The following CRISP1 variants were observed in gnomAD, a reference collection of about 807,000 sequenced individuals.
The protein encoded by CRISP1 is cysteine-rich secretory protein 1.
In CRISP1, 44 loss-of-function variants were observed where a neutral mutation model predicts 33.1. That is an observed-to-expected ratio of 1.33 (90% CI 1.05 to 1.71). The LOEUF (loss-of-function observed/expected upper bound fraction) is 1.71. Among genes scored for constraint, CRISP1 ranks in the 40% most tolerant of loss-of-function variants. The probability of loss-of-function intolerance (pLI) is 0.00; values close to 1 mark genes in which losing one functional copy is unlikely to be tolerated. For synonymous variants in CRISP1, 103 were observed against 98.7 expected, an observed-to-expected ratio of 1.04 and a Z score of -0.26; for missense variants, 390 against 301.2, an observed-to-expected ratio of 1.29 and a Z score of -2.18.
chr6:49,853,334 C>A (rs1434956169), intron 2 of CRISP1, among the ~76,000 whole-genome samples: 2 of 152,142 alleles, frequency 1.3e-5, no homozygotes, highest in Non-Finnish European at 2.9e-5. Context: ...AACATCCTAT[C>A]ATGGATTTTT....
In CRISP1 at chr6:49,838,444, T is replaced by C. The variant is rs754767166; in HGVS notation, c.615A>G (p.Lys205=). 6.2e-7 allele frequency: 1 copy of C among 1,611,118 alleles called. No homozygotes were observed. Among genetic ancestry groups the C allele is most frequent in the Non-Finnish European group, 8.5e-7 (1 of 1,178,294 alleles). The change falls in exon 7 of 8, where the codon AAA becomes AAG. Residue 205 remains lysine (K), a synonymous_variant. Transcript: ENST00000335847. ...GAATGCAAACAAACTTACTGCAAAG[T>C]TTGTCTTCACAGTTACTTGGGCAGG... ...CEACPSNCED[K]LCTNPCIYYD... is the part of the protein sequence containing the mutation.
At position 49,857,369 on chromosome 6, in the gene CRISP1, G is replaced by A. The variant is rs1356527792; in HGVS notation, c.32C>T (p.Ala11Val). The change falls in exon 2 of 8, where the codon GCT becomes GTT. Residue 11 changes from alanine (A) to valine (V), a missense_variant. Transcript: ENST00000335847. ...CAACATAGGCAGTAAGCAAGCAGCAGCAACCAAAAACAAGAGGTGTTTAAT... is the reference window on the plus strand; with the variant it reads ...CAACATAGGCAGTAAGCAAGCAGCAACAACCAAAAACAAGAGGTGTTTAAT... MEIKHLLFLV[A>V]AACLLPMLSM... is the part of the protein sequence containing the mutation. 5 of 1,612,862 alleles carry A rather than the reference G, an allele frequency of 3.1e-6. No homozygotes were observed. Among genetic ancestry groups the A allele is most frequent in the Admixed American group, 1.7e-5 (1 of 59,932 alleles).
intron 4 of CRISP1, among the ~76,000 whole-genome samples, chr6:49,847,834 T>C (rs182988290): frequency 5.9e-5 from 9 of 152,254 alleles, no homozygotes; most frequent in Non-Finnish European, 1.3e-4. Context: ...AACTGCATTA[T>C]CGTTCCAAAG....
intron 1 of CRISP1, among the ~76,000 whole-genome samples, chr6:49,863,881 T>A (rs1055944799): frequency 6.6e-6 from 1 of 152,230 alleles, no homozygotes; most frequent in African/African-American, 2.4e-5. Flanking sequence ...CTCACCTCAG[T>A]GAATCTGTTA....
intron 6 of CRISP1, among the ~76,000 whole-genome samples, chr6:49,840,628 T>TGGA (rs1770953987): frequency 2.0e-5 from 3 of 152,156 alleles, no homozygotes; most frequent in Admixed American, 2.0e-4. Context: ...GAAAATATAT[T>TGGA]GGAGTTTTTT....
In CRISP1 at chr6:49,857,402, C is replaced by T. The variant is rs764192737; in HGVS notation, c.-2G>A. 1.7e-5 allele frequency: 28 copies of T among 1,611,664 alleles called. No homozygotes were observed. The African/African-American group carries it at 3.1e-4, about 18-fold the overall frequency. ...AAACAAGAGGTGTTTAATTTCCATC[C>T]CTGAAAGAAAAATAACACAATTTTA... is the stretch of plus-strand genomic sequence containing the variant. On this transcript the variant is annotated splice_region_variant and 5_prime_UTR_variant, in exon 2 of 8. Transcript: ENST00000335847.
chr6:49,848,245 T>C lies in CRISP1; in HGVS notation c.250A>G (p.Met84Val). The C allele has an allele frequency of 6.2e-7, 1 of 1,607,706 alleles. No homozygotes were observed. The highest frequency in any genetic ancestry group is 8.5e-7 in the Non-Finnish European group (1 of 1,177,354). The change falls in exon 4 of 8, where the codon ATG (methionine) becomes GTG (valine). Residue 84 changes from methionine to valine, a missense_variant. Physicochemically the swap from Met to Val is conservative, Grantham distance 21. Transcript: ENST00000335847. ...NARIFSKYCD[M>V]TESNPLERRL... ...CTCTCAAGGGGGTTGCTCTCTGTCA[T>C]ATCACAATACTTTGAAAAAATTCTG...
At chr6:49,863,720 G>A (rs1435228185) in intron 1 of CRISP1, among the ~76,000 whole-genome samples, 1 of 152,208 alleles carries the variant, frequency 6.6e-6, no homozygotes, top group Non-Finnish European at 1.5e-5. Flanking sequence ...ATGCCCTGGG[G>A]AATGCACTCT....
At chr6:49,871,794 T>C (rs1279962392) in intron 1 of CRISP1, among the ~76,000 whole-genome samples, 1 of 152,150 alleles carries the variant, frequency 6.6e-6, no homozygotes, top group Non-Finnish European at 1.5e-5. Context: ...TAATCTGGTC[T>C]ATCGTTGTTG....
In CRISP1 at chr6:49,857,326, C is replaced by T; in HGVS notation, c.66+9G>A. Reference sequence around the variant, plus strand: ...GAAAGTAATTATGAAACATCCAACCCTCACATACTTTCATGGACAACATAG... The same window carrying T: ...GAAAGTAATTATGAAACATCCAACCTTCACATACTTTCATGGACAACATAG... On this transcript the variant is annotated intron_variant, in intron 2 of 7. Transcript: ENST00000335847. 6.2e-7 allele frequency: 1 copy of T among 1,611,972 alleles called. No homozygotes were observed. The highest frequency in any genetic ancestry group is 1.7e-5 in the Admixed American group (1 of 59,916).
chr6:49,841,222 G>T (rs1355422052), intron 5 of CRISP1, among the ~76,000 whole-genome samples: 4 of 152,156 alleles, frequency 2.6e-5, no homozygotes, highest in African/African-American at 4.8e-5. Context: ...GAGAAAATCA[G>T]CTGACGGGGA....
chr6:49,835,432 T>C lies in CRISP1; in HGVS notation c.634A>G (p.Ile212Val), dbSNP rs373924464. The change falls in exon 8 of 8, where the codon ATC (isoleucine) becomes GTC (valine). Residue 212 changes from isoleucine (I) to valine (V), a missense_variant. Transcript: ENST00000335847. The part of the protein sequence containing the change: ...CEDKLCTNPC[I>V]YYDEYFDCDI... ...CAGTCGAAGTATTCATCATAGTAGA[T>C]GCAGGGGTTAGCTGAAAGAAAATAG... The C allele has an allele frequency of 1.1e-5, 17 of 1,613,408 alleles. No individual in the cohort carries two copies. Among genetic ancestry groups the C allele is most frequent in the Non-Finnish European group, 1.4e-5 (16 of 1,179,702 alleles).
chr6:49,836,635 G>A (rs971236483), intron 7 of CRISP1, among the ~76,000 whole-genome samples: 6 of 151,926 alleles, frequency 3.9e-5, no homozygotes, highest in African/African-American at 7.3e-5. Flanking sequence ...CACCGCGCCC[G>A]GCCTACAAAT....
At position 49,844,466 on chromosome 6, in the gene CRISP1, G is replaced by A. The variant is rs570706808; in HGVS notation, c.435+2054C>T. 2.6e-4 allele frequency among the ~76,000 whole-genome samples: 39 copies of A among 152,300 alleles called. 2 individuals carry two copies. The Middle Eastern group carries it at 0.01, about 40-fold the overall frequency. ...CCCATGCCCACTACAGGTCCAGGGAGCAAGGCTGCTTCCTGCTTAGCTTCA... is the reference window on the plus strand; with the variant it reads ...CCCATGCCCACTACAGGTCCAGGGAACAAGGCTGCTTCCTGCTTAGCTTCA... On this transcript the variant is annotated intron_variant, in intron 5 of 7. Transcript: ENST00000335847.
At chr6:49,862,619 G>A (rs1020074593) in intron 1 of CRISP1, among the ~76,000 whole-genome samples, 8 of 151,860 alleles carry the variant, frequency 5.3e-5, no homozygotes, top group African/African-American at 1.2e-4. Context: ...TGGGATAATC[G>A]GTATCACCTG....
At chr6:49,849,826 T>C (rs1179679425) in intron 3 of CRISP1, among the ~76,000 whole-genome samples, 1 of 152,026 alleles carries the variant, frequency 6.6e-6, no homozygotes, top group Admixed American at 6.6e-5. Flanking sequence ...ATTAAATAAC[T>C]TATTAGCCTA....
intron 1 of CRISP1, among the ~76,000 whole-genome samples, chr6:49,876,832 G>A (rs969060021): frequency 1.3e-5 from 2 of 151,832 alleles, no homozygotes; most frequent in African/African-American, 4.8e-5. Flanking sequence ...GTTGCTGAAT[G>A]ATGAGAATGC....
chr6:49,849,205 A>G (rs1048469497), intron 3 of CRISP1, among the ~76,000 whole-genome samples: 12 of 152,142 alleles, frequency 7.9e-5, no homozygotes, highest in African/African-American at 2.9e-4. Context: ...ATTGTGGTGT[A>G]TATGAAACTG....
At chr6:49,841,575 T>G (rs139676799) in intron 5 of CRISP1, among the ~76,000 whole-genome samples, 1 of 152,270 alleles carries the variant, frequency 6.6e-6, no homozygotes, top group African/African-American at 2.4e-5. Context: ...CATGAGTGGC[T>G]GTCATCAACG....
Sources: gnomAD v4.1 joint callset for allele counts (sites outside exome capture counted in the v4.1 genomes callset) on GRCh38, gnomAD v4.1.1 for gene constraint, MANE v1.5 for transcripts, NCBI Gene and HGNC (gene_info 2026-07-23, HGNC 2026-07-21) for gene names.